The following GABRB2 variants were observed in gnomAD, a reference collection of about 807,000 sequenced individuals.
GABRB2 encodes the protein gamma-aminobutyric acid receptor subunit beta-2.
Under a neutral mutation model 54.7 loss-of-function variants are expected in GABRB2, and 16 were observed. The ratio of observed to expected loss-of-function variants is 0.29; its 90% CI spans 0.20 to 0.44. The LOEUF is 0.44. Ranked by LOEUF, GABRB2 falls within the 20% of genes least tolerant of loss-of-function variation. The probability of loss-of-function intolerance (pLI) is 1.00; values close to 1 mark genes in which losing one functional copy is unlikely to be tolerated. For missense variants in GABRB2, 355 were observed against 644.0 expected, an observed-to-expected ratio of 0.55 and a Z score of 4.86; for synonymous variants, 244 against 233.8, an observed-to-expected ratio of 1.04 and a Z score of -0.40.
rs1243792738 is a variant in GABRB2, at chr5:161,293,858, A to C, written c.*223T>G. On this transcript the variant is annotated 3_prime_UTR_variant, in exon 10 of 10. Coordinates refer to ENST00000393959, the MANE Select transcript of GABRB2 (RefSeq NM_001371727.1). ...TCAGGCTGTCTAGCCACCATGTGTA[A>C]AAATCACTTGCGTTTTAACTGGAAA... The C allele has an allele frequency of 1.9e-6, 1 of 535,710 alleles. No individual in the cohort carries two copies. Among genetic ancestry groups the C allele is most frequent in the Non-Finnish European group, 3.3e-6 (1 of 299,912 alleles). 33.2% of individuals were successfully genotyped at this position (535,710 alleles called of 1,614,324 possible).
intron 4 of GABRB2, among the ~76,000 whole-genome samples, chr5:161,451,889 G>A (rs145844388): frequency 8.7e-4 from 133 of 152,176 alleles, no homozygotes; most frequent in East Asian, 6.9e-3. Context: ...TGTGTGGTAG[G>A]ATTGGGGTAC....
At chr5:161,299,179 G>C (rs1757466001) in intron 9 of GABRB2, among the ~76,000 whole-genome samples, 2 of 152,176 alleles carry the variant, frequency 1.3e-5, no homozygotes, top group African/African-American at 4.8e-5. Flanking sequence ...TGCAAGTAAA[G>C]AGAATAGACA....
At position 161,289,475 on chromosome 5, in the gene GABRB2, T is replaced by G. The variant is rs1757178588; in HGVS notation, c.*4606A>C. On this transcript the variant is annotated 3_prime_UTR_variant, in exon 10 of 10. Coordinates refer to ENST00000393959, the MANE Select transcript of GABRB2 (RefSeq NM_001371727.1). ...ACTACCTAAGGACAAAATACTATTA[T>G]TAAAAAAAAAGTCTTCTAGTGTATA... is the stretch of plus-strand genomic sequence containing the variant. 6.6e-6 allele frequency: 1 copy of G among 152,006 alleles called. No individual in the cohort carries two copies. Among genetic ancestry groups the G allele is most frequent in the Non-Finnish European group, 1.5e-5 (1 of 67,904 alleles). The allele number at this position is 152,006 out of a possible 1,614,324, so 9.4% of individuals were successfully genotyped here. A position where few individuals can be genotyped will look rare whatever the true frequency, so the allele number is the denominator to read the frequency against.
intron 3 of GABRB2, among the ~76,000 whole-genome samples, chr5:161,539,546 G>GCC (rs1760748721): frequency 6.6e-6 from 1 of 152,190 alleles, no homozygotes; most frequent in Non-Finnish European, 1.5e-5. Context: ...TGAGTTGCAA[G>GCC]CCAAGTTAAT....
At chr5:161,479,848 A>G (rs1419696342) in intron 3 of GABRB2, among the ~76,000 whole-genome samples, 3 of 151,982 alleles carry the variant, frequency 2.0e-5, no homozygotes, top group Non-Finnish European at 4.4e-5. Context: ...TCAGCCTCCT[A>G]AAGTACTGGG....
chr5:161,523,324 G>T (rs1246292684), intron 3 of GABRB2, among the ~76,000 whole-genome samples: 6 of 151,416 alleles, frequency 4.0e-5, no homozygotes, highest in Admixed American at 2.0e-4. Context: ...CTACCAGTTG[G>T]AGAAGTAACA....
At chr5:161,533,354 G>A (rs1445681473) in intron 3 of GABRB2, among the ~76,000 whole-genome samples, 2 of 152,050 alleles carry the variant, frequency 1.3e-5, no homozygotes, top group Admixed American at 1.3e-4. Context: ...AAAACTCACA[G>A]ATATCTAATT....
intron 9 of GABRB2, among the ~76,000 whole-genome samples, chr5:161,296,504 T>C (rs1757384689): frequency 6.6e-6 from 1 of 152,230 alleles, no homozygotes; most frequent in African/African-American, 2.4e-5. Flanking sequence ...TATTGGCAGC[T>C]ATGGATTCCT....
At chr5:161,448,741 T>TG (rs961381222) in intron 4 of GABRB2, among the ~76,000 whole-genome samples, 5 of 152,186 alleles carry the variant, frequency 3.3e-5, no homozygotes, top group Admixed American at 2.6e-4. Flanking sequence ...TACTTGGACT[T>TG]GGTCGTTCAG....
chr5:161,373,051 G>C (rs1297596330), intron 5 of GABRB2, among the ~76,000 whole-genome samples: 1 of 152,180 alleles, frequency 6.6e-6, no homozygotes, highest in African/African-American at 2.4e-5. Context: ...CAACACACTT[G>C]CTATTGTATA....
chr5:161,518,491 T>C (rs1354736183), intron 3 of GABRB2, among the ~76,000 whole-genome samples: 1 of 152,226 alleles, frequency 6.6e-6, no homozygotes, highest in African/African-American at 2.4e-5. Flanking sequence ...ACTTTTGTGA[T>C]GGTTCATAGT....
At chr5:161,358,429 G>A (rs1005604710) in intron 5 of GABRB2, among the ~76,000 whole-genome samples, 1 of 152,228 alleles carries the variant, frequency 6.6e-6, no homozygotes, top group East Asian at 1.9e-4. Context: ...AAAAAAAAGT[G>A]GGGGGAATAA....
chr5:161,341,880 A>G (rs960166108), intron 5 of GABRB2, among the ~76,000 whole-genome samples: 1 of 148,048 alleles, frequency 6.8e-6, no homozygotes, highest in Non-Finnish European at 1.5e-5. Context: ...ATTAAACAGC[A>G]GGAACCAATG....
intron 3 of GABRB2, among the ~76,000 whole-genome samples, chr5:161,500,878 C>A (rs1759413765): frequency 6.6e-6 from 1 of 151,950 alleles, no homozygotes; most frequent in Non-Finnish European, 1.5e-5. Flanking sequence ...TACATGTGCA[C>A]ATTGTGCAGG....
chr5:161,546,004 G>C (rs1760974088), intron 2 of GABRB2, among the ~76,000 whole-genome samples: 1 of 152,200 alleles, frequency 6.6e-6, no homozygotes, highest in African/African-American at 2.4e-5. Flanking sequence ...GGTTCTCTCG[G>C]CACACCATTA....
At chr5:161,316,438 C>T (rs976890190) in intron 9 of GABRB2, among the ~76,000 whole-genome samples, 17 of 152,264 alleles carry the variant, frequency 1.1e-4, no homozygotes, top group East Asian at 9.6e-4. Context: ...GCAAGAAAGG[C>T]GGTCAGCATG....
chr5:161,304,984 A>G (rs1392412458), intron 9 of GABRB2, among the ~76,000 whole-genome samples: 1 of 147,374 alleles, frequency 6.8e-6, no homozygotes, highest in African/African-American at 2.5e-5. Flanking sequence ...GAAGAAAACT[A>G]TATTTATGAT....
chr5:161,341,968 T>C (rs1253906678), intron 5 of GABRB2, among the ~76,000 whole-genome samples: 5 of 31,104 alleles, frequency 1.6e-4, no homozygotes, highest in East Asian at 1.0e-3. Context: ...TATATATATA[T>C]ACATACTTTA....
rs536993815 is a variant in GABRB2 at position 161,352,551 on chromosome 5, C to T, written c.542-15782G>A. Reference sequence around the variant, plus strand: ...TAGAATGACGGTTACCACAGGCTGGCAGGAGTGGGACTGGGGAGATGGTAA... The same window carrying T: ...TAGAATGACGGTTACCACAGGCTGGTAGGAGTGGGACTGGGGAGATGGTAA... On this transcript the variant is annotated intron_variant, in intron 5 of 9. Coordinates refer to ENST00000393959, the MANE Select transcript of GABRB2 (RefSeq NM_001371727.1). 2.6e-5 allele frequency among the ~76,000 whole-genome samples: 4 copies of T among 152,048 alleles called. No homozygotes were observed. In the East Asian group the frequency reaches 7.7e-4, roughly 29 times the overall value.
Sources: gnomAD v4.1 joint callset for allele counts (sites outside exome capture counted in the v4.1 genomes callset) on GRCh38, gnomAD v4.1.1 for gene constraint, MANE v1.5 for transcripts, NCBI Gene and HGNC (gene_info 2026-07-23, HGNC 2026-07-21) for gene names.